Variants in DOCK2 observed in about 807,000 individuals in gnomAD.
The protein encoded by DOCK2 is dedicator of cytokinesis 2.
Under a neutral mutation model 248.9 loss-of-function variants are expected in DOCK2, and 87 were observed. The observed-to-expected ratio is 0.35, with a 90% CI of 0.29 to 0.42. DOCK2 has a LOEUF of 0.42. Ranked by LOEUF, DOCK2 falls within the 10% of genes least tolerant of loss-of-function variation. DOCK2 has a pLI of 1.00. For missense variants in DOCK2, 1,747 were observed against 2,300.2 expected (o/e 0.76, Z 4.92); for synonymous variants, 805 against 821.6 (o/e 0.98, Z 0.35).
intron 30 of DOCK2, among the ~76,000 whole-genome samples, chr5:170,005,988 C>A (rs1755021231): frequency 6.6e-6 from 1 of 152,204 alleles, no homozygotes; most frequent in African/African-American, 2.4e-5. Context: ...TTCTCACTTT[C>A]ATGGAAACAC....
chr5:170,065,114 A>G (rs1757447165), intron 44 of DOCK2, among the ~76,000 whole-genome samples: 1 of 152,206 alleles, frequency 6.6e-6, no homozygotes, highest in Non-Finnish European at 1.5e-5. Flanking sequence ...TCTGAAACTT[A>G]AAACATGGGA....
intron 39 of DOCK2, among the ~76,000 whole-genome samples, chr5:170,047,252 A>C (rs996016347): frequency 6.6e-6 from 1 of 152,182 alleles, no homozygotes; most frequent in Non-Finnish European, 1.5e-5. Context: ...TTATCTGCAA[A>C]ATGGAGATAC....
At chr5:169,691,829 TTTTATTTATTTA>T (rs543766613) in intron 9 of DOCK2, among the ~76,000 whole-genome samples, 2 of 150,384 alleles carry the variant, frequency 1.3e-5, no homozygotes, top group African/African-American at 4.9e-5. Flanking sequence ...CTATGTTTTG[TTTTATTTATTTA>T]TTTATTTATT....
At chr5:169,931,559 CG>C (rs1245981730) in intron 27 of DOCK2, among the ~76,000 whole-genome samples, 2 of 152,150 alleles carry the variant, frequency 1.3e-5, no homozygotes, top group African/African-American at 2.4e-5. Context: ...CAGACCAATT[CG>C]GGTTTTAATT....
rs756767844 is a variant in DOCK2 at position 169,759,683 on chromosome 5, A to G, written c.2377-22A>G. The stretch of plus-strand genomic sequence containing the variant: ...ACTTGTTGATGTGAGGATCACTTAT[A>G]TGTATTTTACATTCCACCTAGGTGG... On this transcript the variant is annotated intron_variant, in intron 23 of 51. Coordinates refer to ENST00000520908, the MANE Select transcript of DOCK2 (RefSeq NM_004946.3). The G allele has an allele frequency of 6.8e-6, 11 of 1,613,682 alleles. No individual in the cohort carries two copies. The Admixed American group carries it at 1.2e-4, about 17-fold the overall frequency.
intron 26 of DOCK2, among the ~76,000 whole-genome samples, chr5:169,835,501 C>T (rs1269266896): frequency 3.3e-5 from 5 of 151,870 alleles, no homozygotes; most frequent in Admixed American, 6.5e-5. Context: ...ATGATCTGCC[C>T]GCCTCAGCCT....
At chr5:169,889,098 A>T (rs1440894036) in intron 27 of DOCK2, among the ~76,000 whole-genome samples, 1 of 152,220 alleles carries the variant, frequency 6.6e-6, no homozygotes, top group Non-Finnish European at 1.5e-5. Flanking sequence ...TGACACAGAG[A>T]GGGTCTTATA....
At chr5:169,716,923 T>C (rs1427303067) in intron 20 of DOCK2, among the ~76,000 whole-genome samples, 1 of 152,242 alleles carries the variant, frequency 6.6e-6, no homozygotes, top group Non-Finnish European at 1.5e-5. Context: ...TTTGCATTTT[T>C]AAAGAGGTTA....
At chr5:169,710,876 G>C (rs747677892) in intron 15 of DOCK2, among the ~76,000 whole-genome samples, 1 of 152,132 alleles carries the variant, frequency 6.6e-6, no homozygotes, top group African/African-American at 2.4e-5. Flanking sequence ...GTATCTCCTT[G>C]CTAGCCCTTG....
At chr5:169,727,346 G>C (rs543241150) in intron 22 of DOCK2, among the ~76,000 whole-genome samples, 1 of 152,138 alleles carries the variant, frequency 6.6e-6, no homozygotes, top group South Asian at 2.1e-4. Context: ...GTGACTCCAG[G>C]TCACACTCTA....
At chr5:169,934,048 C>T (rs970999427) in intron 27 of DOCK2, among the ~76,000 whole-genome samples, 1 of 152,170 alleles carries the variant, frequency 6.6e-6, no homozygotes, top group African/African-American at 2.4e-5. Flanking sequence ...TTCCCTTGAT[C>T]CATACTGCTC....
intron 5 of DOCK2, among the ~76,000 whole-genome samples, chr5:169,672,099 TG>T (rs1368265967): frequency 6.6e-6 from 1 of 152,092 alleles, no homozygotes; most frequent in African/African-American, 2.4e-5. Context: ...CTCTGCCTCC[TG>T]GGTTCAAGTG....
chr5:169,721,761 T>C (rs966359299), intron 22 of DOCK2, among the ~76,000 whole-genome samples: 1 of 152,234 alleles, frequency 6.6e-6, no homozygotes, highest in Non-Finnish European at 1.5e-5. Context: ...ATGCAACGTA[T>C]AGTTGGGTAA....
chr5:170,063,457 G>C (rs549880271), intron 44 of DOCK2, among the ~76,000 whole-genome samples: 1 of 152,236 alleles, frequency 6.6e-6, no homozygotes, highest in East Asian at 1.9e-4. Flanking sequence ...GAAATTAACA[G>C]CTCCCATTTT....
intron 26 of DOCK2, among the ~76,000 whole-genome samples, chr5:169,830,872 C>T (rs1240884059): frequency 1.3e-5 from 2 of 152,144 alleles, no homozygotes; most frequent in African/African-American, 4.8e-5. Context: ...CAGCATGGGA[C>T]GGGAGACCTG....
chr5:169,665,310 T>C (rs1265259916), intron 2 of DOCK2, among the ~76,000 whole-genome samples: 1 of 142,408 alleles, frequency 7.0e-6, no homozygotes, highest in Non-Finnish European at 1.5e-5. Flanking sequence ...CTATATATGT[T>C]TATATATAAG....
At position 169,846,043 on chromosome 5, in the gene DOCK2, AAGG is replaced by A. The variant is rs367990798; in HGVS notation, c.2799+5197_2799+5199del. Among the ~76,000 whole-genome samples the A allele has an allele frequency of 4.3e-4, 66 of 152,328 alleles. No individual in the cohort carries two copies. The East Asian group carries it at 0.01, about 23-fold the overall frequency. Reference sequence around the variant, plus strand: ...ATCTAATTTTGAATTGAAATTTGACAAGGAGGAGAGATCCCCATTCCACCTGTC... The same window carrying A: ...ATCTAATTTTGAATTGAAATTTGACAAGGAGAGATCCCCATTCCACCTGTC... On this transcript the variant is annotated intron_variant, in intron 27 of 51. Coordinates refer to ENST00000520908, the MANE Select transcript of DOCK2 (RefSeq NM_004946.3).
chr5:170,041,212 A>G (rs1756501605), intron 37 of DOCK2, 67 bp downstream of exon 37: 1 of 1,400,576 alleles, frequency 7.1e-7, no homozygotes, highest in South Asian at 1.2e-5. Flanking sequence ...CAAGTTGAAG[A>G]GTGAAAAAAG....
chr5:169,980,684 G>A (rs1777910500), intron 27 of DOCK2: 1 of 152,182 alleles, frequency 6.6e-6, no homozygotes, highest in Non-Finnish European at 1.5e-5. Context: ...CCTGGCTGGA[G>A]GTAGAAACGA....
Sources: allele counts gnomAD v4.1 joint callset (sites outside exome capture counted in the v4.1 genomes callset), GRCh38; gene constraint gnomAD v4.1.1; transcripts MANE v1.5; gene names NCBI Gene and HGNC (gene_info 2026-07-23, HGNC 2026-07-21).